The following NID2 variants were observed in gnomAD, a reference collection of about 807,000 sequenced individuals.
NID2 encodes nidogen 2.
In NID2, 83 loss-of-function variants were observed where a neutral mutation model predicts 145.4. The ratio of observed to expected loss-of-function variants is 0.57; its 90% CI spans 0.48 to 0.69. The LOEUF (loss-of-function observed/expected upper bound fraction) is 0.69. NID2 is among the 30% of genes least tolerant of loss of function. The pLI, the probability that NID2 is intolerant of heterozygous loss-of-function variation, is 0.00. For synonymous variants in NID2, 739 were observed against 701.3 expected, an observed-to-expected ratio of 1.05 and a Z score of -0.85; for missense variants, 1,807 against 1,765.7, an observed-to-expected ratio of 1.02 and a Z score of -0.42.
intron 3 of NID2, among the ~76,000 whole-genome samples, chr14:52,055,099 G>C (rs563968377): frequency 1.3e-5 from 2 of 152,132 alleles, no homozygotes; most frequent in Non-Finnish European, 2.9e-5. Context: ...TGTGCCAAGT[G>C]TTTCACATTC....
At chr14:52,032,916 G>A (rs375400604) in intron 9 of NID2, among the ~76,000 whole-genome samples, 1 of 151,858 alleles carries the variant, frequency 6.6e-6, no homozygotes, top group Non-Finnish European at 1.5e-5. Flanking sequence ...GATTTAAAAT[G>A]TATGTCACTG....
intron 3 of NID2, among the ~76,000 whole-genome samples, chr14:52,058,505 A>G (rs1892924419): frequency 6.6e-6 from 1 of 152,204 alleles, no homozygotes; most frequent in Non-Finnish European, 1.5e-5. Flanking sequence ...GATTTCTGGG[A>G]AGTATCAAAG....
chr14:52,049,242 T>C (rs1892608254), intron 5 of NID2, among the ~76,000 whole-genome samples: 2 of 151,824 alleles, frequency 1.3e-5, no homozygotes, highest in African/African-American at 4.8e-5. Context: ...GAAAGAAAAA[T>C]GGGGTGGGGA....
intron 18 of NID2, 102 bp downstream of exon 18, chr14:52,010,774 C>T: frequency 8.5e-7 from 1 of 1,173,710 alleles, no homozygotes; most frequent in Non-Finnish European, 1.2e-6. Context: ...TGCATTTGAG[C>T]TTTCACTCTC....
intron 12 of NID2, among the ~76,000 whole-genome samples, chr14:52,026,604 G>A (rs1891595124): frequency 6.6e-6 from 1 of 152,196 alleles, no homozygotes; most frequent in Non-Finnish European, 1.5e-5. Context: ...TACTCAGAGA[G>A]TTATGTCGAG....
At chr14:52,033,366 T>C (rs548107118) in intron 9 of NID2, among the ~76,000 whole-genome samples, 1 of 152,286 alleles carries the variant, frequency 6.6e-6, no homozygotes, top group Non-Finnish European at 1.5e-5. Context: ...GGAAGCATTT[T>C]TGGATCGTGT....
In NID2 at chr14:52,007,845, T is replaced by A; in HGVS notation, c.3845A>T (p.Asp1282Val). 1 of 1,613,970 alleles carries A rather than the reference T, an allele frequency of 6.2e-7. No homozygotes were observed. The highest frequency in any genetic ancestry group is 8.5e-7 in the Non-Finnish European group (1 of 1,179,946). ...CCAGCAGAGCAGTTTAGAGAAAGGG[T>A]CAAAGGTTAAGCCATTGGGCAATCC... ...DIGLPNGLTF[D>V]PFSKLLCWAD... The change falls in exon 19 of 22, where the codon GAC becomes GTC. Residue 1282 changes from aspartate to valine, a missense_variant. Transcript: ENST00000216286.
chr14:52,042,106 T>C lies in NID2; in HGVS notation c.1824A>G (p.Ala608=). 1 of 1,588,186 alleles carries C rather than the reference T, an allele frequency of 6.3e-7. No homozygotes were observed. The highest frequency in any genetic ancestry group is 8.6e-7 in the Non-Finnish European group (1 of 1,165,414). ...KPGSENGFSL[A]GAAFTHDMEV... ...GGCCTTCTCAGAGGCCCTACTCACC[T>C]GCGAGGCTGAAGCCGTTCTCAGAGC... Residue 608 remains alanine (A), a splice_region_variant and synonymous_variant, in exon 7 of 22, where the codon GCA becomes GCG. Transcript: ENST00000216286.
chr14:52,021,245 T>C (rs1891393912), intron 12 of NID2, among the ~76,000 whole-genome samples: 1 of 151,396 alleles, frequency 6.6e-6, no homozygotes. Context: ...TGTGGGATGG[T>C]GTGATCAGTG....
At position 52,042,856 on chromosome 14, in the gene NID2, G is replaced by A. The variant is rs201252183; in HGVS notation, c.1505C>T (p.Thr502Met). 110 of 1,614,168 alleles carry A rather than the reference G, an allele frequency of 6.8e-5. No individual in the cohort carries two copies. Among genetic ancestry groups the A allele is most frequent in the Middle Eastern group, 3.3e-4 (2 of 6,062 alleles). Residue 502 changes from threonine to methionine, a missense_variant, in exon 6 of 22, where the codon ACG becomes ATG. Physicochemically the swap from Thr to Met is moderately conservative, Grantham distance 81. Coordinates refer to ENST00000216286, the MANE Select transcript of NID2 (RefSeq NM_007361.4). Reference sequence around the variant, plus strand: ...GCAGCAGAAGCCAGTGGCATAGTCCGTGCAGAAGGCATGCCGGGAGCATTG... The same window carrying A: ...GCAGCAGAAGCCAGTGGCATAGTCCATGCAGAAGGCATGCCGGGAGCATTG... ...HRQCSRHAFCTDYATGFCCHC... is the reference protein window; with the variant it reads ...HRQCSRHAFCMDYATGFCCHC...
chr14:52,042,394 T>TAG (rs1264468403), intron 6 of NID2, 44 bp from the exon 7 acceptor site: 2 of 1,567,008 alleles, frequency 1.3e-6, no homozygotes, highest in East Asian at 4.5e-5. Context: ...TCATCCTGGC[T>TAG]AGAGATGGGT....
intron 2 of NID2, among the ~76,000 whole-genome samples, chr14:52,066,573 A>C (rs1361007853): frequency 6.6e-6 from 1 of 152,152 alleles, no homozygotes; most frequent in Non-Finnish European, 1.5e-5. Flanking sequence ...CCATAAATAT[A>C]TACACCTACT....
Position 52,042,780 on chromosome 14 carries a change from A to C in NID2, c.1579+2T>G. 1 of 1,614,030 alleles carries C rather than the reference A, an allele frequency of 6.2e-7. No homozygotes were observed. The highest frequency in any genetic ancestry group is 8.5e-7 in the Non-Finnish European group (1 of 1,179,944). The stretch of plus-strand genomic sequence containing the variant: ...CAGGAGTTCCTGGCCCCAGTCAATT[A>C]CCTTCAGGCAGACAGTGCTTCCCAT... On this transcript the variant is annotated splice_donor_variant, in intron 6 of 21. Coordinates refer to ENST00000216286, the MANE Select transcript of NID2 (RefSeq NM_007361.4). LOFTEE classifies it high-confidence loss of function.
At chr14:52,062,360 A>T (rs1252931626) in intron 2 of NID2, among the ~76,000 whole-genome samples, 1 of 152,192 alleles carries the variant, frequency 6.6e-6, no homozygotes, top group Non-Finnish European at 1.5e-5. Context: ...GCAAAGCTTG[A>T]CTTTTCCAAA....
intron 18 of NID2, chr14:52,009,481 C>T (rs1890924745): frequency 1.3e-5 from 2 of 152,196 alleles, no homozygotes; most frequent in African/African-American, 2.4e-5. Context: ...TGTTATATTG[C>T]AACCTGGTTC....
intron 9 of NID2, among the ~76,000 whole-genome samples, chr14:52,030,490 AAAGAAAGAAAGAGAAAGAAAG>A (rs1223605722): frequency 2.1e-5 from 1 of 47,780 alleles, no homozygotes; most frequent in African/African-American, 6.5e-5. Context: ...GAAAAGAAAG[AAAGAAAGAAAGAGAAAGAAAG>A]AAAGAAAAGA....
rs1424277907 is a variant in NID2 at position 52,030,562 on chromosome 14, A to AAAAAAAG, written c.2258-873_2258-872insCTTTTTT. Among the ~76,000 whole-genome samples, 422 of 65,080 alleles carry AAAAAAAG rather than the reference A, an allele frequency of 6.5e-3. 9 individuals are homozygous for AAAAAAAG. Among genetic ancestry groups the AAAAAAAG allele is most frequent in the African/African-American group, 0.019 (390 of 20,342 alleles). The allele number at this position is 65,080 out of a possible 152,430, so 42.7% of individuals were successfully genotyped here. A position where few individuals can be genotyped will look rare whatever the true frequency, so the allele number is the denominator to read the frequency against. ...AAAGAAAGAAAGAAAGAAAGAAAGA[A>AAAAAAAG]AGAAAGGAAGGAAGGGAAAGAAAGA... On this transcript the variant is annotated intron_variant, in intron 9 of 21. Coordinates refer to ENST00000216286, the MANE Select transcript of NID2 (RefSeq NM_007361.4).
chr14:52,011,708 A>G, intron 16 of NID2, 25 bp from the exon 17 acceptor site: 1 of 1,613,696 alleles, frequency 6.2e-7, no homozygotes, highest in Non-Finnish European at 8.5e-7. Flanking sequence ...TCATAGAATT[A>G]GAAGAATTAG....
At chr14:52,034,402 G>C (rs1473479919) in intron 9 of NID2, among the ~76,000 whole-genome samples, 1 of 152,102 alleles carries the variant, frequency 6.6e-6, no homozygotes, top group Admixed American at 6.5e-5. Context: ...CTCCCCAGTA[G>C]GTTTAAATCT....
Sources: allele counts gnomAD v4.1 joint callset (sites outside exome capture counted in the v4.1 genomes callset), GRCh38; gene constraint gnomAD v4.1.1; transcripts MANE v1.5; gene names NCBI Gene and HGNC (gene_info 2026-07-23, HGNC 2026-07-21).